Variants in CCDC170 observed in about 807,000 individuals in gnomAD.
CCDC170 encodes the protein coiled-coil domain-containing protein 170.
In CCDC170, 69 loss-of-function variants were observed where a neutral mutation model predicts 72.6. The observed-to-expected ratio is 0.95, with a 90% CI of 0.78 to 1.16. The LOEUF (loss-of-function observed/expected upper bound fraction) is 1.16, where lower values mean the gene tolerates loss of function less well. Ranked by LOEUF, CCDC170 falls within the 50% of genes most tolerant of loss-of-function variation. The pLI is 0.00. For missense variants in CCDC170, 852 were observed against 832.5 expected, an observed-to-expected ratio of 1.02 and a Z score of -0.29; for synonymous variants, 300 against 303.9, an observed-to-expected ratio of 0.99 and a Z score of 0.13.
At chr6:151,586,738 GGTAA>G (rs1776456110) in intron 7 of CCDC170, among the ~76,000 whole-genome samples, 1 of 151,582 alleles carries the variant, frequency 6.6e-6, no homozygotes, top group African/African-American at 2.4e-5. Flanking sequence ...TATGAAGTGT[GGTAA>G]GTGTGAGCAT....
chr6:151,597,096 G>A (rs1251716877), intron 9 of CCDC170, among the ~76,000 whole-genome samples: 2 of 152,072 alleles, frequency 1.3e-5, no homozygotes, highest in Non-Finnish European at 2.9e-5. Flanking sequence ...AAAGTGCTGG[G>A]ATTACAGGCG....
intron 5 of CCDC170, among the ~76,000 whole-genome samples, chr6:151,566,297 A>G (rs781391953): frequency 6.6e-6 from 1 of 152,244 alleles, no homozygotes; most frequent in Non-Finnish European, 1.5e-5. Flanking sequence ...ATACATCTAC[A>G]GGATAAATGT....
intron 1 of CCDC170, among the ~76,000 whole-genome samples, chr6:151,522,218 T>C (rs112457685): frequency 0.083 from 12,681 of 152,150 alleles, 648 homozygotes; most frequent in Middle Eastern, 0.17. Flanking sequence ...AAGACAGTAG[T>C]TACACAAAGA....
intron 5 of CCDC170, among the ~76,000 whole-genome samples, chr6:151,572,791 A>G (rs754583169): frequency 3.3e-5 from 5 of 151,648 alleles, no homozygotes; most frequent in Non-Finnish European, 5.9e-5. Context: ...CTGGGATTAC[A>G]GGTGTGCGCC....
In CCDC170 at chr6:151,544,622, G is replaced by A. The variant is rs376388158; in HGVS notation, c.494G>A (p.Cys165Tyr). Residue 165 changes from cysteine (C) to tyrosine (Y), a missense_variant, in exon 4 of 11, where the codon TGC becomes TAC. Physicochemically the swap from Cys to Tyr is radical, Grantham distance 194. Coordinates refer to ENST00000239374, the MANE Select transcript of CCDC170 (RefSeq NM_025059.4). ...EENKKQVSKN[C>Y]RKHEEFLTQL... ...AATAAGAAACAAGTTTCAAAGAATT[G>A]CAGGAAACATGAGGAATTTCTGACT... is the stretch of plus-strand genomic sequence containing the variant. 8 of 1,613,444 alleles carry A rather than the reference G, an allele frequency of 5.0e-6. No homozygotes were observed. The highest frequency in any genetic ancestry group is 4.4e-5 in the South Asian group (4 of 91,046).
intron 10 of CCDC170, among the ~76,000 whole-genome samples, chr6:151,616,083 A>G (rs1776962788): frequency 6.6e-6 from 1 of 152,112 alleles, no homozygotes; most frequent in Non-Finnish European, 1.5e-5. Flanking sequence ...TGGTGAAAAA[A>G]CAGGTTCTGG....
At chr6:151,580,431 A>G (rs1013374649) in intron 6 of CCDC170, among the ~76,000 whole-genome samples, 1 of 152,086 alleles carries the variant, frequency 6.6e-6, no homozygotes, top group African/African-American at 2.4e-5. Context: ...TTGTTATACC[A>G]AGATAAACAC....
At chr6:151,595,838 T>A (rs1208721959) in intron 8 of CCDC170, among the ~76,000 whole-genome samples, 1 of 151,974 alleles carries the variant, frequency 6.6e-6, no homozygotes, top group Non-Finnish European at 1.5e-5. Flanking sequence ...AGTTGATATA[T>A]ATCCACTCTC....
At chr6:151,563,667 G>A (rs1776082813) in intron 5 of CCDC170, among the ~76,000 whole-genome samples, 1 of 152,162 alleles carries the variant, frequency 6.6e-6, no homozygotes, top group Admixed American at 6.5e-5. Flanking sequence ...GGGCACGTCT[G>A]TGTGAGCTGG....
At chr6:151,577,275 G>T (rs1776316260) in intron 6 of CCDC170, among the ~76,000 whole-genome samples, 1 of 152,218 alleles carries the variant, frequency 6.6e-6, no homozygotes, top group East Asian at 1.9e-4. Flanking sequence ...GACAACCACA[G>T]ATGTCTTTAG....
chr6:151,530,031 A>C (rs773366176), intron 1 of CCDC170, among the ~76,000 whole-genome samples: 1 of 152,220 alleles, frequency 6.6e-6, no homozygotes. Flanking sequence ...GGATTAATGT[A>C]TCAGGACCTA....
rs184507334 is a variant in CCDC170, at chr6:151,560,223, G to A, written c.774+11734G>A. On this transcript the variant is annotated intron_variant, in intron 5 of 10. Transcript: ENST00000239374. Reference sequence around the variant, plus strand: ...CTTTAATCTCATTGTTTACTCAAAAGTCATTAAGAAGCAGGTTGTTTAGTT... The same window carrying A: ...CTTTAATCTCATTGTTTACTCAAAAATCATTAAGAAGCAGGTTGTTTAGTT... Among the ~76,000 whole-genome samples, 300 of 152,114 alleles carry A rather than the reference G, an allele frequency of 2.0e-3. 2 individuals carry two copies. The highest frequency in any genetic ancestry group is 6.9e-3 in the African/African-American group (287 of 41,512).
chr6:151,530,589 A>G (rs1180781868), intron 1 of CCDC170, among the ~76,000 whole-genome samples: 1 of 151,804 alleles, frequency 6.6e-6, no homozygotes, highest in Non-Finnish European at 1.5e-5. Flanking sequence ...TTACAGGCAT[A>G]TGCCACCATG....
rs1776999062 is a variant in CCDC170 at position 151,618,103 on chromosome 6, G to A, written c.2104G>A (p.Gly702Arg). The change falls in exon 11 of 11, where the codon GGG (glycine) becomes AGG (arginine). Residue 702 changes from glycine (G) to arginine (R), a missense_variant. Transcript: ENST00000239374. ...TGCCTGCCTCAAAGATGTGACTACT[G>A]GGCAAGAGAGGCACCCACAAGGCCA... ...TCACLKDVTT[G>R]QERHPQGHLQ... The A allele has an allele frequency of 6.2e-7, 1 of 1,614,068 alleles. No homozygotes were observed. The highest frequency in any genetic ancestry group is 1.1e-5 in the South Asian group (1 of 91,066).
chr6:151,614,120 A>G (rs1389055228), intron 9 of CCDC170, among the ~76,000 whole-genome samples: 2 of 152,000 alleles, frequency 1.3e-5, no homozygotes, highest in Non-Finnish European at 2.9e-5. Flanking sequence ...AAATAAAAAT[A>G]ACATAATATA....
chr6:151,519,378 C>G (rs1034573128), intron 1 of CCDC170, among the ~76,000 whole-genome samples: 5 of 152,140 alleles, frequency 3.3e-5, no homozygotes, highest in African/African-American at 1.2e-4. Context: ...GGCAGTCAGA[C>G]CCTATGGTTG....
chr6:151,544,606 C>A lies in CCDC170; in HGVS notation c.478C>A (p.Gln160Lys), dbSNP rs1431326868. Residue 160 changes from glutamine to lysine, a missense_variant, in exon 4 of 11, where the codon CAA becomes AAA. Gln to Lys is a moderately conservative substitution (Grantham distance 53). Transcript: ENST00000239374. ...AAAAGAAAATGAGGAGAATAAGAAA[C>A]AAGTTTCAAAGAATTGCAGGAAACA... is the stretch of plus-strand genomic sequence containing the variant. ...CSKENEENKK[Q>K]VSKNCRKHEE... 6.2e-7 allele frequency: 1 copy of A among 1,613,008 alleles called. No homozygotes were observed. Among genetic ancestry groups the A allele is most frequent in the Non-Finnish European group, 8.5e-7 (1 of 1,179,262 alleles).
chr6:151,507,334 G>A (rs1261449316), intron 1 of CCDC170, among the ~76,000 whole-genome samples: 1 of 151,938 alleles, frequency 6.6e-6, no homozygotes, highest in East Asian at 1.9e-4. Context: ...AATGAGCTTT[G>A]AAGTTGAAAA....
At chr6:151,595,536 C>A (rs745531461) in intron 8 of CCDC170, among the ~76,000 whole-genome samples, 1 of 152,168 alleles carries the variant, frequency 6.6e-6, no homozygotes, top group Non-Finnish European at 1.5e-5. Context: ...CAACTCTCAG[C>A]CAGGTGTGGT....
Sources: gnomAD v4.1 joint callset for allele counts (sites outside exome capture counted in the v4.1 genomes callset) on GRCh38, gnomAD v4.1.1 for gene constraint, MANE v1.5 for transcripts, NCBI Gene and HGNC (gene_info 2026-07-23, HGNC 2026-07-21) for gene names.